The following SEZ6L variants were observed in gnomAD, a reference collection of about 807,000 sequenced individuals.
SEZ6L encodes the protein seizure related 6 homolog like.
A neutral mutation model predicts 106.2 loss-of-function variants in SEZ6L; 37 were observed. The observed-to-expected ratio is 0.35, with a 90% CI of 0.27 to 0.46. The LOEUF is 0.46. Among genes scored for constraint, SEZ6L ranks in the 20% least tolerant of loss-of-function variants. The probability of loss-of-function intolerance (pLI) is 1.00; values close to 1 mark genes in which losing one functional copy is unlikely to be tolerated. For synonymous variants in SEZ6L, 541 were observed against 570.4 expected (o/e 0.95, Z 0.73); for missense variants, 1,172 against 1,332.8 (o/e 0.88, Z 1.88).
chr22:26,373,175 C>A (rs1415718690), intron 13 of SEZ6L, among the ~76,000 whole-genome samples: 2 of 152,182 alleles, frequency 1.3e-5, no homozygotes, highest in African/African-American at 4.8e-5. Context: ...ATGTAGAGTT[C>A]TTGGCACAAT....
chr22:26,327,033 G>C (rs62225711), intron 9 of SEZ6L, among the ~76,000 whole-genome samples: 3 of 152,152 alleles, frequency 2.0e-5, no homozygotes, highest in African/African-American at 7.2e-5. Context: ...CAGGGCTTTC[G>C]CCAGGGGAGG....
chr22:26,296,777 C>A, intron 3 of SEZ6L, 111 bp from the exon 4 acceptor site: 1 of 902,720 alleles, frequency 1.1e-6, no homozygotes, highest in Non-Finnish European at 1.5e-6. Context: ...TCCCGTTGAC[C>A]AGGGGCTAGC....
chr22:26,186,695 T>C (rs1405662045), intron 1 of SEZ6L, among the ~76,000 whole-genome samples: 1 of 152,174 alleles, frequency 6.6e-6, no homozygotes, highest in East Asian at 1.9e-4. Context: ...CTAAAGTGAC[T>C]AGCAGGATTC....
chr22:26,270,375 A>G (rs1490256243), intron 1 of SEZ6L, among the ~76,000 whole-genome samples: 1 of 152,168 alleles, frequency 6.6e-6, no homozygotes, highest in Non-Finnish European at 1.5e-5. Context: ...CTATGAAACA[A>G]AAACAAAACA....
At chr22:26,278,244 C>G (rs1261750521) in intron 1 of SEZ6L, among the ~76,000 whole-genome samples, 2 of 152,194 alleles carry the variant, frequency 1.3e-5, no homozygotes, top group Admixed American at 1.3e-4. Flanking sequence ...GCTTTCCTAA[C>G]AGTTGCTCTG....
chr22:26,242,850 A>G (rs2079184668), intron 1 of SEZ6L: 1 of 152,244 alleles, frequency 6.6e-6, no homozygotes, highest in Non-Finnish European at 1.5e-5. Flanking sequence ...GGAGTTGGTT[A>G]GTGCCCTAGG....
At chr22:26,351,350 G>A in intron 12 of SEZ6L, 107 bp downstream of exon 12, 1 of 942,506 alleles carries the variant, frequency 1.1e-6, no homozygotes, top group Middle Eastern at 2.2e-4. Flanking sequence ...CTTTTCGACA[G>A]GGGCTTTTAT....
intron 1 of SEZ6L, among the ~76,000 whole-genome samples, chr22:26,283,014 G>A (rs889653722): frequency 7.9e-5 from 12 of 152,028 alleles, no homozygotes; most frequent in African/African-American, 2.4e-4. Flanking sequence ...TCCACCTCCC[G>A]GGTTCAAGCG....
intron 9 of SEZ6L, among the ~76,000 whole-genome samples, chr22:26,326,838 T>C (rs2082319621): frequency 6.6e-6 from 1 of 152,218 alleles, no homozygotes; most frequent in South Asian, 2.1e-4. Flanking sequence ...TGGCTTGGCA[T>C]GGTCCTGTGA....
chr22:26,193,992 A>T (rs1940418144), intron 1 of SEZ6L, among the ~76,000 whole-genome samples: 1 of 152,166 alleles, frequency 6.6e-6, no homozygotes, highest in Non-Finnish European at 1.5e-5. Context: ...TGTGATAGGG[A>T]TAAGACACAG....
At chr22:26,179,776 TC>T (rs1271491967) in intron 1 of SEZ6L, among the ~76,000 whole-genome samples, 1 of 152,178 alleles carries the variant, frequency 6.6e-6, no homozygotes, top group East Asian at 1.9e-4. Context: ...TGGCTTCCTC[TC>T]TATTGCCTAA....
At chr22:26,213,776 C>A (rs1472679329) in intron 1 of SEZ6L, among the ~76,000 whole-genome samples, 1 of 152,140 alleles carries the variant, frequency 6.6e-6, no homozygotes, top group African/African-American at 2.4e-5. Flanking sequence ...CAAAAATTAG[C>A]TGGGTGTAGT....
chr22:26,210,364 T>C (rs73879851), intron 1 of SEZ6L, among the ~76,000 whole-genome samples: 1,774 of 152,352 alleles, frequency 0.012, 34 homozygotes, highest in African/African-American at 0.041. Context: ...AAGGCTCACA[T>C]GCACAATGAG....
intron 1 of SEZ6L, among the ~76,000 whole-genome samples, chr22:26,279,485 C>T (rs968010947): frequency 1.3e-5 from 2 of 152,086 alleles, no homozygotes; most frequent in African/African-American, 4.8e-5. Flanking sequence ...TGTCTCACTG[C>T]CAATAAATTC....
chr22:26,211,848 A>T (rs1016684494), intron 1 of SEZ6L, among the ~76,000 whole-genome samples: 3 of 150,418 alleles, frequency 2.0e-5, no homozygotes, highest in East Asian at 1.9e-4. Flanking sequence ...AAATAAAAAT[A>T]AAAATTAAAA....
intron 9 of SEZ6L, among the ~76,000 whole-genome samples, chr22:26,338,010 C>A (rs1324218144): frequency 6.6e-6 from 1 of 152,178 alleles, no homozygotes; most frequent in Non-Finnish European, 1.5e-5. Context: ...GTTGCCACCT[C>A]ACCTCCCAAC....
In SEZ6L at chr22:26,292,821, G is replaced by A. The variant is rs770372949; in HGVS notation, c.510G>A (p.Pro170=). 34 of 1,613,954 alleles carry A rather than the reference G, an allele frequency of 2.1e-5. No homozygotes were observed. Among genetic ancestry groups the A allele is most frequent in the Non-Finnish European group, 2.6e-5 (31 of 1,179,892 alleles). The change falls in exon 2 of 17, where the codon CCG becomes CCA. Residue 170 remains proline, a synonymous_variant. Coordinates refer to ENST00000248933, the MANE Select transcript of SEZ6L (RefSeq NM_021115.5). ...AGAAGCCTGGCCCACCGGGGGACCC[G>A]GACCCCATCGTGGCCTCCGAGGAGG... ...STEKPGPPGD[P]DPIVASEEAS...
intron 3 of SEZ6L, 86 bp from the exon 4 acceptor site, chr22:26,296,801 CT>C: frequency 8.0e-7 from 1 of 1,257,574 alleles, no homozygotes; most frequent in Non-Finnish European, 1.1e-6. Flanking sequence ...ACCTGGGCCA[CT>C]TTTCACTGAC....
chr22:26,312,413 A>G (rs1441695709), intron 8 of SEZ6L, among the ~76,000 whole-genome samples: 1 of 152,232 alleles, frequency 6.6e-6, no homozygotes, highest in Non-Finnish European at 1.5e-5. Context: ...AGTAGATTGT[A>G]TCGGCCCCAT....
Sources: allele counts gnomAD v4.1 joint callset (sites outside exome capture counted in the v4.1 genomes callset), GRCh38; gene constraint gnomAD v4.1.1; transcripts MANE v1.5; gene names NCBI Gene and HGNC (gene_info 2026-07-23, HGNC 2026-07-21).